Variants in EYS observed in about 807,000 individuals in gnomAD.
EYS encodes the protein protein eyes shut homolog.
Under a neutral mutation model 282.1 loss-of-function variants are expected in EYS, and 250 were observed. That is an observed-to-expected ratio of 0.89 (90% CI 0.80 to 0.98). The LOEUF is 0.98. Among genes scored for constraint, EYS ranks in the 50% least tolerant of loss-of-function variants. EYS has a pLI of 0.00. For missense variants in EYS, 4,016 were observed against 3,709.0 expected (o/e 1.08, Z -2.15); for synonymous variants, 1,355 against 1,282.9 (o/e 1.06, Z -1.20).
intron 26 of EYS, among the ~76,000 whole-genome samples, chr6:64,530,669 C>A (rs1582858804): frequency 6.6e-6 from 1 of 152,100 alleles, no homozygotes; most frequent in South Asian, 2.1e-4. Flanking sequence ...GTTTTTTACC[C>A]TTCTAGTGAC....
At chr6:65,288,861 T>C (rs1768444201) in intron 12 of EYS, among the ~76,000 whole-genome samples, 1 of 151,188 alleles carries the variant, frequency 6.6e-6, no homozygotes, top group African/African-American at 2.4e-5. Flanking sequence ...CAAGTACCAA[T>C]TTCTATTAAA....
At chr6:64,675,416 CTCTTTTTTTT>C (rs1428577180) in intron 22 of EYS, among the ~76,000 whole-genome samples, 1 of 125,816 alleles carries the variant, frequency 7.9e-6, no homozygotes, top group Non-Finnish European at 1.6e-5. Flanking sequence ...TTTCCTGTTT[CTCTTTTTTTT>C]TCTTTTTTTT....
At position 65,007,820 on chromosome 6, in the gene EYS, T is replaced by G. The variant is rs191759027; in HGVS notation, c.2138-10117A>C. Among the ~76,000 whole-genome samples the G allele has an allele frequency of 7.2e-4, 110 of 152,286 alleles. No homozygotes were observed. In the Middle Eastern group the frequency reaches 0.01, roughly 14 times the overall value. ...TTCTCAGACTTAAAGCAAATTAAAA[T>G]AGACCTAGGTAAATTCTCAGATAAC... is the stretch of plus-strand genomic sequence containing the variant. On this transcript the variant is annotated intron_variant, in intron 13 of 42. Coordinates refer to ENST00000503581, the MANE Select transcript of EYS (RefSeq NM_001142800.2).
chr6:65,501,478 T>A (rs983752504), intron 2 of EYS, among the ~76,000 whole-genome samples: 37 of 151,990 alleles, frequency 2.4e-4, no homozygotes, highest in Non-Finnish European at 4.3e-4. Flanking sequence ...GAAAAACACC[T>A]AAATTATCGT....
At chr6:65,284,029 C>T (rs1416832331) in intron 12 of EYS, among the ~76,000 whole-genome samples, 1 of 152,050 alleles carries the variant, frequency 6.6e-6, no homozygotes, top group East Asian at 1.9e-4. Flanking sequence ...TCCATCAAAG[C>T]GATGCACCAG....
In EYS at chr6:64,340,662, A is replaced by C. The variant is rs115390470; in HGVS notation, c.6079-33580T>G. Among the ~76,000 whole-genome samples the C allele has an allele frequency of 8.9e-3, 1,354 of 152,036 alleles. 19 individuals are homozygous for C. Among genetic ancestry groups the C allele is most frequent in the African/African-American group, 0.03 (1,259 of 41,532 alleles). On this transcript the variant is annotated intron_variant, in intron 29 of 42. Transcript: ENST00000503581. ...ATCCTTCTGGACATCAACCTTGGCAAAGAATTTATGGCCAAGTCCCCAAAA... is the reference window on the plus strand; with the variant it reads ...ATCCTTCTGGACATCAACCTTGGCACAGAATTTATGGCCAAGTCCCCAAAA...
intron 13 of EYS, among the ~76,000 whole-genome samples, chr6:65,044,179 T>C (rs1229271236): frequency 6.6e-6 from 1 of 151,846 alleles, no homozygotes; most frequent in Non-Finnish European, 1.5e-5. Flanking sequence ...TTGCCATTTT[T>C]ATGTCTGCTT....
intron 22 of EYS, among the ~76,000 whole-genome samples, chr6:64,796,872 T>C (rs1023309849): frequency 6.6e-6 from 1 of 152,150 alleles, no homozygotes; most frequent in African/African-American, 2.4e-5. Flanking sequence ...AGTTCAATTT[T>C]ACACCATTCT....
At chr6:64,602,139 G>C (rs2149838674) in intron 24 of EYS, among the ~76,000 whole-genome samples, 1 of 151,956 alleles carries the variant, frequency 6.6e-6, no homozygotes, top group Non-Finnish European at 1.5e-5. Flanking sequence ...TGATTTATAT[G>C]TCATTCCTGG....
At chr6:65,052,494 C>T (rs1168880178) in intron 13 of EYS, among the ~76,000 whole-genome samples, 1 of 151,626 alleles carries the variant, frequency 6.6e-6, no homozygotes, top group Middle Eastern at 3.4e-3. Context: ...ACAATAGACA[C>T]GTTAATGACA....
At chr6:65,013,261 T>C (rs970480684) in intron 13 of EYS, among the ~76,000 whole-genome samples, 2 of 152,208 alleles carry the variant, frequency 1.3e-5, no homozygotes, top group Non-Finnish European at 2.9e-5. Context: ...ACAATGTATA[T>C]GAGAAAATAC....
At chr6:64,737,122 T>G (rs901045038) in intron 22 of EYS, among the ~76,000 whole-genome samples, 70 of 152,232 alleles carry the variant, frequency 4.6e-4, no homozygotes, top group African/African-American at 1.6e-3. Context: ...GCTTACTACC[T>G]GCATGAAGAC....
At chr6:64,623,357 T>TAG (rs1412313937) in intron 23 of EYS, among the ~76,000 whole-genome samples, 1 of 152,134 alleles carries the variant, frequency 6.6e-6, no homozygotes, top group Non-Finnish European at 1.5e-5. Flanking sequence ...GCAGACTTCT[T>TAG]AGGTGTGAAT....
chr6:65,447,652 A>G (rs1768725432), intron 5 of EYS, among the ~76,000 whole-genome samples: 1 of 151,972 alleles, frequency 6.6e-6, no homozygotes, highest in Non-Finnish European at 1.5e-5. Flanking sequence ...GTAAAGATGA[A>G]TAAGAACTGA....
chr6:64,911,938 C>T (rs763412857), intron 16 of EYS, among the ~76,000 whole-genome samples: 20 of 152,128 alleles, frequency 1.3e-4, no homozygotes, highest in Admixed American at 2.0e-4. Context: ...GCTTCAGATA[C>T]GGCTGGATCC....
At chr6:64,525,789 C>A (rs1018954192) in intron 26 of EYS, among the ~76,000 whole-genome samples, 1 of 151,764 alleles carries the variant, frequency 6.6e-6, no homozygotes, top group African/African-American at 2.4e-5. Flanking sequence ...CAGGTACAGT[C>A]ACTCTGTAAA....
chr6:65,668,352 A>G (rs1056456490), intron 1 of EYS, among the ~76,000 whole-genome samples: 1 of 151,888 alleles, frequency 6.6e-6, no homozygotes, highest in African/African-American at 2.4e-5. Context: ...TAAATAGGCA[A>G]TAACCTTGCA....
chr6:65,248,682 T>C (rs75144280), intron 12 of EYS, among the ~76,000 whole-genome samples: 1 of 151,992 alleles, frequency 6.6e-6, no homozygotes, highest in East Asian at 1.9e-4. Flanking sequence ...AAATAATATC[T>C]CCTAGCTGTC....
At chr6:64,477,078 A>G (rs1776293807) in intron 26 of EYS, among the ~76,000 whole-genome samples, 1 of 152,000 alleles carries the variant, frequency 6.6e-6, no homozygotes, top group African/African-American at 2.4e-5. Flanking sequence ...CCAACCAATG[A>G]CTCACCAAGG....
Sources: allele counts gnomAD v4.1 joint callset (sites outside exome capture counted in the v4.1 genomes callset), GRCh38; gene constraint gnomAD v4.1.1; transcripts MANE v1.5; gene names NCBI Gene and HGNC (gene_info 2026-07-23, HGNC 2026-07-21).